Variants in WSCD2 observed in about 807,000 individuals in gnomAD.
WSCD2 encodes WSC domain sialate O sulfotransferase 2.
WSCD2 carries 28 observed loss-of-function variants against 55.7 expected under a neutral mutation model. The ratio of observed to expected loss-of-function variants is 0.50; its 90% CI spans 0.37 to 0.69. The LOEUF is 0.69. Ranked by LOEUF, WSCD2 falls within the 30% of genes least tolerant of loss-of-function variation. The pLI, the probability that WSCD2 is intolerant of heterozygous loss-of-function variation, is 0.00. For synonymous variants in WSCD2, 301 were observed against 301.9 expected (o/e 1.00, Z 0.03); for missense variants, 616 against 762.1 (o/e 0.81, Z 2.26).
chr12:108,142,875 G>C (rs1009327789), intron 1 of WSCD2, among the ~76,000 whole-genome samples: 1 of 151,976 alleles, frequency 6.6e-6, no homozygotes, highest in Admixed American at 6.5e-5. Flanking sequence ...GTGCAGTGGT[G>C]CTGTCAAAGC....
intron 4 of WSCD2, among the ~76,000 whole-genome samples, chr12:108,218,683 G>A (rs1327059023): frequency 1.3e-5 from 2 of 152,216 alleles, no homozygotes; most frequent in African/African-American, 4.8e-5. Context: ...TGACTCCTGA[G>A]GGTGAAGGAC....
intron 8 of WSCD2, among the ~76,000 whole-genome samples, chr12:108,241,054 G>A (rs1889705672): frequency 6.6e-6 from 1 of 152,186 alleles, no homozygotes; most frequent in African/African-American, 2.4e-5. Flanking sequence ...CCTGAATCCA[G>A]CCCCAGGTCA....
intron 7 of WSCD2, among the ~76,000 whole-genome samples, chr12:108,236,568 CTCTCTCTCTCTCAT>C (rs1889280830): frequency 6.8e-6 from 1 of 146,442 alleles, no homozygotes; most frequent in African/African-American, 2.6e-5. Flanking sequence ...GGCGCTCTTT[CTCTCTCTCTCTCAT>C]TCTCTCTCTC....
At chr12:108,176,300 T>C (rs543599063) in intron 1 of WSCD2, among the ~76,000 whole-genome samples, 1 of 152,314 alleles carries the variant, frequency 6.6e-6, no homozygotes, top group East Asian at 1.9e-4. Context: ...TCAATTCCTC[T>C]TTGCCCCTCT....
chr12:108,148,041 C>CT (rs1210795088), intron 1 of WSCD2, among the ~76,000 whole-genome samples: 1 of 152,106 alleles, frequency 6.6e-6, no homozygotes, highest in Non-Finnish European at 1.5e-5. Flanking sequence ...CTGTGAGTGA[C>CT]TTATTTATTT....
intron 4 of WSCD2, among the ~76,000 whole-genome samples, chr12:108,216,816 C>T (rs1593055121): frequency 1.3e-5 from 2 of 152,320 alleles, no homozygotes; most frequent in South Asian, 4.1e-4. Flanking sequence ...CCATCATTGG[C>T]TGAGGGTGGC....
chr12:108,149,805 T>A (rs6539413), intron 1 of WSCD2: 136,998 of 152,216 alleles, frequency 0.9, 61,859 homozygotes, highest in African/African-American at 0.98. Context: ...CTCTTACAAC[T>A]TGATTTTAAC....
At chr12:108,212,284 AACATT>A (rs1392605680) in intron 4 of WSCD2, among the ~76,000 whole-genome samples, 1 of 152,176 alleles carries the variant, frequency 6.6e-6, no homozygotes, top group Non-Finnish European at 1.5e-5. Flanking sequence ...TTTTGATAGC[AACATT>A]TGGACCATCT....
In WSCD2 at chr12:108,249,827, C is replaced by G. The variant is rs1193649653; in HGVS notation, c.*1484C>G. On this transcript the variant is annotated 3_prime_UTR_variant, in exon 9 of 9. Transcript: ENST00000547525. ...AAGGGCACAGGGATTAGACCTGTGG[C>G]ACACTTCCCCAATTCCCTCATCTGT... 1 of 152,686 alleles carries G rather than the reference C, an allele frequency of 6.5e-6. No homozygotes were observed. Among genetic ancestry groups the G allele is most frequent in the Non-Finnish European group, 1.5e-5 (1 of 68,056 alleles). 9.5% of individuals were successfully genotyped at this position (152,686 alleles called of 1,614,324 possible).
Position 108,248,958 on chromosome 12 carries a change from C to G in WSCD2, c.*615C>G, listed in dbSNP as rs150556800. On this transcript the variant is annotated 3_prime_UTR_variant, in exon 9 of 9. Coordinates refer to ENST00000547525, the MANE Select transcript of WSCD2 (RefSeq NM_014653.4). This position sits in a 1 kb window ranked among gnomAD's most constrained non-coding sequence, Gnocchi z 4.3. ...CTCACAGTAGGTTAATTGGAGACAC[C>G]ATGTGGGGCCATTGGTGTTATGAGC... 567 of 974,890 alleles carry G rather than the reference C, an allele frequency of 5.8e-4. 2 individuals carry two copies. In the African/African-American group the frequency reaches 9.3e-3, roughly 16 times the overall value. 60.4% of individuals were successfully genotyped at this position (974,890 alleles called of 1,614,324 possible). A position where few individuals can be genotyped will look rare whatever the true frequency, so the allele number is the denominator to read the frequency against.
chr12:108,206,443 T>C (rs1266188858), intron 3 of WSCD2, 40 bp downstream of exon 3: 2 of 1,592,126 alleles, frequency 1.3e-6, no homozygotes, highest in Admixed American at 3.3e-5. Flanking sequence ...TTTCAGGCCC[T>C]TCCTTCTCAG....
intron 7 of WSCD2, chr12:108,233,225 C>T (rs1888967630): frequency 4.9e-6 from 1 of 202,706 alleles, no homozygotes; most frequent in Non-Finnish European, 1.0e-5. Context: ...TACCTCATTA[C>T]AGATGTTTAC....
chr12:108,136,745 CG>C (rs1876267477), intron 1 of WSCD2, among the ~76,000 whole-genome samples: 1 of 150,546 alleles, frequency 6.6e-6, no homozygotes, highest in South Asian at 2.1e-4. Context: ...CTACTCCTCC[CG>C]CTGCCTCCCC....
At chr12:108,242,275 C>T (rs1485323010) in intron 8 of WSCD2, among the ~76,000 whole-genome samples, 3 of 152,272 alleles carry the variant, frequency 2.0e-5, no homozygotes, top group Non-Finnish European at 4.4e-5. Flanking sequence ...CTCTGCCTCA[C>T]TCCTCTTCTC....
intron 1 of WSCD2, among the ~76,000 whole-genome samples, chr12:108,177,291 T>C (rs932456269): frequency 1.3e-5 from 2 of 152,298 alleles, no homozygotes; most frequent in African/African-American, 4.8e-5. Context: ...GCGAGTTAGA[T>C]GAAGTAATGT....
intron 5 of WSCD2, 91 bp downstream of exon 5, chr12:108,224,951 C>T (rs1394472235): frequency 2.3e-5 from 35 of 1,530,972 alleles, no homozygotes; most frequent in Non-Finnish European, 2.8e-5. Context: ...GAAGCAACAG[C>T]TCAGTCGGGA....
At chr12:108,223,554 T>C (rs1887756793) in intron 4 of WSCD2, among the ~76,000 whole-genome samples, 1 of 152,190 alleles carries the variant, frequency 6.6e-6, no homozygotes, top group South Asian at 2.1e-4. Flanking sequence ...TTCTACTCCT[T>C]CACTTGTTAA....
intron 1 of WSCD2, among the ~76,000 whole-genome samples, chr12:108,161,230 G>T (rs1038517457): frequency 6.6e-6 from 1 of 152,218 alleles, no homozygotes; most frequent in African/African-American, 2.4e-5. Flanking sequence ...TATAGGGGCT[G>T]TAAAGGGTTG....
intron 4 of WSCD2, among the ~76,000 whole-genome samples, chr12:108,217,234 G>A (rs569145953): frequency 1.6e-4 from 24 of 152,284 alleles, no homozygotes; most frequent in South Asian, 2.1e-4. Flanking sequence ...CCCTTTCCTC[G>A]GGACACCAGA....
Sources: gnomAD v4.1 joint callset for allele counts (sites outside exome capture counted in the v4.1 genomes callset) on GRCh38, gnomAD v4.1.1 for gene constraint, Gnocchi (gnomAD v3.1) non-coding constraint, MANE v1.5 for transcripts, NCBI Gene and HGNC (gene_info 2026-07-23, HGNC 2026-07-21) for gene names.